Variants in RETSAT observed in about 807,000 individuals in gnomAD.
RETSAT encodes retinol saturase.
RETSAT carries 35 observed loss-of-function variants against 61.6 expected under a neutral mutation model. The ratio of observed to expected loss-of-function variants is 0.57; its 90% confidence interval spans 0.43 to 0.75. RETSAT has a LOEUF of 0.75. Among genes scored for constraint, RETSAT ranks in the 30% least tolerant of loss-of-function variants. The pLI is 0.00. For missense variants in RETSAT, 670 were observed against 759.5 expected (o/e 0.88, Z 1.38); for synonymous variants, 277 against 310.4 (o/e 0.89, Z 1.13).
At position 85,351,614 on chromosome 2, in the gene RETSAT, CA is replaced by C. The variant is rs1387636919; in HGVS notation, c.355+65del. On this transcript the variant is annotated intron_variant, in intron 2 of 10. Transcript: ENST00000295802. ...AACAGAAATGCTCAGTATCACCCCA[CA>C]AGGGCTGCTCCAAGCCTCTTCAACA... is the stretch of plus-strand genomic sequence containing the variant. The C allele has an allele frequency of 6.0e-6, 9 of 1,493,824 alleles. No individual in the cohort carries two copies. In the Admixed American group the frequency reaches 1.8e-4, roughly 29 times the overall value. 92.5% of individuals were successfully genotyped at this position (1,493,824 alleles called of 1,614,324 possible).
Position 85,343,140 on chromosome 2 carries a change from T to G in RETSAT, c.*102A>C. ...TTCAGGCATCAGAACCAAATTAGAGTGCTTTATACGTGCAAGGAACTAATG... is the reference window on the plus strand; with the variant it reads ...TTCAGGCATCAGAACCAAATTAGAGGGCTTTATACGTGCAAGGAACTAATG... On this transcript the variant is annotated 3_prime_UTR_variant, in exon 11 of 11. Coordinates refer to ENST00000295802, the MANE Select transcript of RETSAT (RefSeq NM_017750.4). The G allele has an allele frequency of 6.7e-7, 1 of 1,499,722 alleles. No homozygotes were observed. The highest frequency in any genetic ancestry group is 9.1e-7 in the Non-Finnish European group (1 of 1,104,048). 92.9% of individuals were successfully genotyped at this position (1,499,722 alleles called of 1,614,324 possible). A position where few individuals can be genotyped will look rare whatever the true frequency, so the allele number is the denominator to read the frequency against.
At position 85,343,779 on chromosome 2, in the gene RETSAT, C is replaced by CACA. The variant is rs1182419499; in HGVS notation, c.1552_1553insTGT (p.Gly518delinsValTer). The CACA allele has an allele frequency of 6.2e-7, 1 of 1,613,708 alleles. No homozygotes were observed. On this transcript the variant is annotated stop_gained and protein_altering_variant, in exon 10 of 11. Transcript: ENST00000295802. LOFTEE classifies it high-confidence loss of function. ...ATAGAACTGGTTGGTGAGTGGGGATCCTGCAGTCACACTCTCCACCTGAGG... is the reference window on the plus strand; with the variant it reads ...ATAGAACTGGTTGGTGAGTGGGGATCACACTGCAGTCACACTCTCCACCTGAGG...
Position 85,344,727 on chromosome 2 carries a change from T to C in RETSAT, c.1123A>G (p.Lys375Glu), listed in dbSNP as rs1683160342. ...PGNARCLPGV[K>E]QQLGTVRPGL... ...GGCCGCACCGTCCCCAGTTGCTGCT[T>C]CACACCTGCCAGGGGGAGTGGTTGG... is the stretch of plus-strand genomic sequence containing the variant. The change falls in exon 7 of 11, where the codon AAG becomes GAG. Residue 375 changes from lysine (K) to glutamate (E), a missense_variant. Physicochemically the swap from Lys to Glu is moderately conservative, Grantham distance 56 (BLOSUM62 1). Coordinates refer to ENST00000295802, the MANE Select transcript of RETSAT (RefSeq NM_017750.4). 2 of 1,614,020 alleles carry C rather than the reference T, an allele frequency of 1.2e-6. No homozygotes were observed. The highest frequency in any genetic ancestry group is 1.7e-6 in the Non-Finnish European group (2 of 1,179,928).
intron 6 of RETSAT, chr2:85,345,692 G>C: frequency 2.0e-6 from 1 of 511,232 alleles, no homozygotes; most frequent in Non-Finnish European, 3.7e-6. Flanking sequence ...CCAGAAGGGT[G>C]GGAGGAGCGG....
rs567277398 is a variant in RETSAT, at chr2:85,344,525, C to A, written c.1256+69G>T. On this transcript the variant is annotated intron_variant, in intron 7 of 10. Transcript: ENST00000295802. ...TTGCCTACTTCCTCCCATTCCATAACCTCTGCTCATTCTCTGAGTCAAGCA... is the reference window on the plus strand; with the variant it reads ...TTGCCTACTTCCTCCCATTCCATAAACTCTGCTCATTCTCTGAGTCAAGCA... The A allele has an allele frequency of 3.2e-6, 5 of 1,580,490 alleles. No individual in the cohort carries two copies. In the East Asian group the frequency reaches 1.1e-4, roughly 35 times the overall value.
chr2:85,351,093 T>C, intron 2 of RETSAT, 72 bp from the exon 3 acceptor site: 1 of 1,576,934 alleles, frequency 6.3e-7, no homozygotes, highest in Non-Finnish European at 8.7e-7. Context: ...GCTGAGGAAG[T>C]GAGGTGGAAG....
chr2:85,348,446 CAT>C (rs1332378069), intron 5 of RETSAT, among the ~76,000 whole-genome samples: 7 of 151,932 alleles, frequency 4.6e-5, no homozygotes, highest in Non-Finnish European at 8.8e-5. Context: ...CTGGCTAACA[CAT>C]GGTGAAACCC....
chr2:85,349,627 G>A (rs1294214305), intron 4 of RETSAT, 46 bp from the exon 5 acceptor site: 1 of 1,501,890 alleles, frequency 6.7e-7, no homozygotes. Flanking sequence ...GAAGGCACCA[G>A]CACCATTCAG....
chr2:85,343,439 G>T, intron 10 of RETSAT, 58 bp from the exon 11 acceptor site: 1 of 1,583,310 alleles, frequency 6.3e-7, no homozygotes, highest in Non-Finnish European at 8.6e-7. Context: ...AGGGGAGGGT[G>T]GGGCCTTGGT....
Position 85,351,769 on chromosome 2 carries a change from G to A in RETSAT, c.266C>T (p.Ala89Val), listed in dbSNP as rs776079512. The change falls in exon 2 of 11, where the codon GCT becomes GTT. Residue 89 changes from alanine (A) to valine (V), a missense_variant. Ala to Val is a moderately conservative substitution (Grantham distance 64). Coordinates refer to ENST00000295802, the MANE Select transcript of RETSAT (RefSeq NM_017750.4). ...GLAAAAILAK[A>V]GKRVLVLEQH... is the part of the protein sequence containing the mutation. Reference sequence around the variant, plus strand: ...TTCCAGCACCAGGACTCGCTTGCCAGCTTTAGCTAGAATTGCAGCTGCAGC... The same window carrying A: ...TTCCAGCACCAGGACTCGCTTGCCAACTTTAGCTAGAATTGCAGCTGCAGC... 237 of 1,614,066 alleles carry A rather than the reference G, an allele frequency of 1.5e-4. No individual in the cohort carries two copies. Among genetic ancestry groups the A allele is most frequent in the Non-Finnish European group, 2.0e-4 (233 of 1,180,052 alleles).
chr2:85,349,830 A>C (rs1683268649), intron 4 of RETSAT: 10 of 630,508 alleles, frequency 1.6e-5, no homozygotes, highest in Admixed American at 5.8e-5. Context: ...GTGTTGCTTG[A>C]ATTGAAAAAT....
At chr2:85,352,543 C>T (rs1341170132) in intron 1 of RETSAT, among the ~76,000 whole-genome samples, 3 of 152,112 alleles carry the variant, frequency 2.0e-5, no homozygotes, top group Non-Finnish European at 4.4e-5. Flanking sequence ...AGCCACCGCG[C>T]CCCGCCTATT....
At chr2:85,344,759 T>C in intron 6 of RETSAT, 27 bp from the exon 7 acceptor site, 1 of 1,610,972 alleles carries the variant, frequency 6.2e-7, no homozygotes, top group South Asian at 1.1e-5. Context: ...TTGGTGCCTG[T>C]GTGGACCATG....
At chr2:85,352,675 C>A (rs1488291216) in intron 1 of RETSAT, among the ~76,000 whole-genome samples, 2 of 152,202 alleles carry the variant, frequency 1.3e-5, no homozygotes, top group Non-Finnish European at 2.9e-5. Flanking sequence ...AGCCAACACA[C>A]CAGCCCACAA....
chr2:85,349,927 G>T, intron 4 of RETSAT, 113 bp downstream of exon 4: 1 of 1,047,306 alleles, frequency 9.5e-7, no homozygotes, highest in Non-Finnish European at 1.4e-6. Flanking sequence ...AGGGCCTGGG[G>T]TTTACACTGC....
rs1683302922 is a variant in RETSAT, at chr2:85,351,752, C to T, written c.283G>A (p.Val95Met). The T allele has an allele frequency of 6.2e-7, 1 of 1,614,098 alleles. No homozygotes were observed. Among genetic ancestry groups the T allele is most frequent in the African/African-American group, 1.3e-5 (1 of 74,938 alleles). The change falls in exon 2 of 11, where the codon GTG (valine) becomes ATG (methionine). Residue 95 changes from valine (V) to methionine (M), a missense_variant. Coordinates refer to ENST00000295802, the MANE Select transcript of RETSAT (RefSeq NM_017750.4). ...ILAKAGKRVL[V>M]LEQHTKAGGC... is the part of the protein sequence containing the mutation. ...CCTGCCTTGGTATGTTGTTCCAGCACCAGGACTCGCTTGCCAGCTTTAGCT... is the reference window on the plus strand; with the variant it reads ...CCTGCCTTGGTATGTTGTTCCAGCATCAGGACTCGCTTGCCAGCTTTAGCT...
rs201975804 is a variant in RETSAT, at chr2:85,354,338, T to G, written c.170A>C (p.Gln57Pro). ...GACCCCAGGGTCCCTCCTGCTACCT[T>G]GTTTGAGAACCTTCTTCCTGGCCTC... Reference protein sequence around the residue: ...DKEARKKVLKQAFSANQVPEK... With the variant: ...DKEARKKVLKPAFSANQVPEK... The change falls in exon 1 of 11, where the codon CAA becomes CCA. Residue 57 changes from glutamine (Q) to proline (P), a missense_variant and splice_region_variant. Coordinates refer to ENST00000295802, the MANE Select transcript of RETSAT (RefSeq NM_017750.4). The G allele has an allele frequency of 1.2e-6, 2 of 1,614,188 alleles. No individual in the cohort carries two copies. The highest frequency in any genetic ancestry group is 8.5e-7 in the Non-Finnish European group (1 of 1,180,020).
chr2:85,346,874 G>T (rs545997058), intron 5 of RETSAT, among the ~76,000 whole-genome samples: 1 of 152,330 alleles, frequency 6.6e-6, no homozygotes, highest in Admixed American at 6.5e-5. Context: ...GGTCCCTTCT[G>T]TGTGTCCAGC....
chr2:85,346,088 C>T lies in RETSAT; in HGVS notation c.1004G>A (p.Ser335Asn). Reference sequence around the variant, plus strand: ...CACCAGCTCATGCCCCTTCTTCACACTGACACCTGCAGGCACAAGAGCTTG... The same window carrying T: ...CACCAGCTCATGCCCCTTCTTCACATTGACACCTGCAGGCACAAGAGCTTG... ...LDSAGKACGV[S>N]VKKGHELVNI... Residue 335 changes from serine to asparagine, a missense_variant, in exon 6 of 11, where the codon AGT becomes AAT. Physicochemically the swap from Ser to Asn is conservative, Grantham distance 46. Transcript: ENST00000295802. 1 of 1,611,186 alleles carries T rather than the reference C, an allele frequency of 6.2e-7. No individual in the cohort carries two copies. Among genetic ancestry groups the T allele is most frequent in the Non-Finnish European group, 8.5e-7 (1 of 1,177,646 alleles).
Sources: allele counts gnomAD v4.1 joint callset (sites outside exome capture counted in the v4.1 genomes callset), GRCh38; gene constraint gnomAD v4.1.1; transcripts MANE v1.5; gene names NCBI Gene and HGNC (gene_info 2026-07-23, HGNC 2026-07-21).